LRRC28: variants seen among roughly 807,000 people sequenced by gnomAD.
LRRC28 encodes the protein leucine rich repeat containing 28.
Under a neutral mutation model 45.7 loss-of-function variants are expected in LRRC28, and 39 were observed. That is an observed-to-expected ratio of 0.85 (90% CI 0.66 to 1.12). The LOEUF is 1.12. Among genes scored for constraint, LRRC28 ranks in the 50% most tolerant of loss-of-function variants. LRRC28 has a pLI of 0.00. For missense variants in LRRC28, 435 were observed against 438.5 expected (o/e 0.99, Z 0.07); for synonymous variants, 206 against 178.8 (o/e 1.15, Z -1.22).
At chr15:99,267,171 T>C (rs1380454438) in intron 2 of LRRC28, among the ~76,000 whole-genome samples, 1 of 152,228 alleles carries the variant, frequency 6.6e-6, no homozygotes, top group African/African-American at 2.4e-5. Flanking sequence ...GCGATGCATA[T>C]GTTTATGCCA....
chr15:99,279,938 A>G (rs1388908391), intron 3 of LRRC28, among the ~76,000 whole-genome samples: 3 of 152,180 alleles, frequency 2.0e-5, no homozygotes, highest in African/African-American at 4.8e-5. Flanking sequence ...CTGGCAATGT[A>G]TGATTGTTCC....
At chr15:99,370,535 T>C (rs1957456531) in intron 9 of LRRC28, among the ~76,000 whole-genome samples, 1 of 152,134 alleles carries the variant, frequency 6.6e-6, no homozygotes, top group Admixed American at 6.5e-5. Context: ...GAACTTTCAT[T>C]TTCAACTCCA....
At chr15:99,263,191 G>T (rs927638489) in intron 2 of LRRC28, among the ~76,000 whole-genome samples, 1 of 150,316 alleles carries the variant, frequency 6.7e-6, no homozygotes, top group Non-Finnish European at 1.5e-5. Context: ...GGTGGCGTGT[G>T]CCTGTAGTCC....
At chr15:99,304,957 C>T (rs1955128048) in intron 5 of LRRC28, among the ~76,000 whole-genome samples, 1 of 152,118 alleles carries the variant, frequency 6.6e-6, no homozygotes, top group Non-Finnish European at 1.5e-5. Context: ...CAACAATGTG[C>T]CTCTTTTCAA....
intron 9 of LRRC28, among the ~76,000 whole-genome samples, chr15:99,375,125 T>A (rs1414745682): frequency 6.6e-6 from 1 of 152,330 alleles, no homozygotes; most frequent in East Asian, 1.9e-4. Flanking sequence ...TTTGGTATGT[T>A]CTCTTTATTA....
chr15:99,309,761 G>A (rs1200331126), intron 5 of LRRC28, among the ~76,000 whole-genome samples: 1 of 152,066 alleles, frequency 6.6e-6, no homozygotes, highest in African/African-American at 2.4e-5. Flanking sequence ...TCTTATCTTA[G>A]GACTTCTGCT....
At chr15:99,289,374 A>G (rs1284144538) in intron 5 of LRRC28, among the ~76,000 whole-genome samples, 5 of 152,234 alleles carry the variant, frequency 3.3e-5, no homozygotes, top group Admixed American at 3.3e-4. Context: ...TCTTTTGAGT[A>G]AAACCAACTC....
intron 6 of LRRC28, among the ~76,000 whole-genome samples, chr15:99,339,823 A>G (rs1467482141): frequency 1.3e-5 from 2 of 152,234 alleles, no homozygotes; most frequent in African/African-American, 4.8e-5. Context: ...CCCAACAGCT[A>G]GTAGAAAATA....
intron 6 of LRRC28, among the ~76,000 whole-genome samples, chr15:99,344,715 G>A (rs1187005797): frequency 1.3e-5 from 2 of 152,132 alleles, no homozygotes; most frequent in African/African-American, 4.8e-5. Flanking sequence ...TATGTAAGAA[G>A]TAGCAAGTGT....
At chr15:99,351,994 G>A (rs1387695271) in intron 6 of LRRC28, among the ~76,000 whole-genome samples, 1 of 152,214 alleles carries the variant, frequency 6.6e-6, no homozygotes, top group Non-Finnish European at 1.5e-5. Flanking sequence ...AATTCTTGCT[G>A]AAGACAGGCC....
At chr15:99,356,644 A>G (rs1404998997) in intron 7 of LRRC28, among the ~76,000 whole-genome samples, 1 of 152,254 alleles carries the variant, frequency 6.6e-6, no homozygotes, top group Non-Finnish European at 1.5e-5. Context: ...ACATGTTTGA[A>G]GAAATAATGT....
intron 5 of LRRC28, among the ~76,000 whole-genome samples, chr15:99,302,773 A>G (rs908955120): frequency 6.6e-5 from 10 of 152,170 alleles, no homozygotes; most frequent in Non-Finnish European, 1.5e-4. Context: ...TTGTCTCTAT[A>G]GTTTTGACTT....
At chr15:99,291,192 C>T (rs2082113052) in intron 5 of LRRC28, among the ~76,000 whole-genome samples, 1 of 152,108 alleles carries the variant, frequency 6.6e-6, no homozygotes, top group African/African-American at 2.4e-5. Context: ...ATTTATATCT[C>T]ACCTGTTACA....
rs997669013 is a variant in LRRC28 at position 99,361,380 on chromosome 15, TTTC to T, written c.741_743del (p.Phe247_Ser248delinsLeu). 6 of 1,613,750 alleles carry T rather than the reference TTTC, an allele frequency of 3.7e-6. No individual in the cohort carries two copies. The highest frequency in any genetic ancestry group is 5.1e-6 in the Non-Finnish European group (6 of 1,179,922). ...GTTTCCGAGGTGAAGCTGCTTTCCT[TTTC>T]ATCAGGGCAGCGAACCGTTTTCCTC... On this transcript the variant is annotated inframe_deletion, in exon 8 of 10. Transcript: ENST00000301981.
chr15:99,257,607 T>C, intron 2 of LRRC28: 1 of 663,314 alleles, frequency 1.5e-6, no homozygotes, highest in Non-Finnish European at 2.9e-6. Flanking sequence ...CGAAAGGGAC[T>C]TGAGACTCAC....
At chr15:99,351,261 A>G (rs1408713430) in intron 6 of LRRC28, among the ~76,000 whole-genome samples, 4 of 152,118 alleles carry the variant, frequency 2.6e-5, no homozygotes, top group African/African-American at 9.7e-5. Flanking sequence ...ATGGGAAGGG[A>G]TGGCCTGTAT....
At chr15:99,308,192 A>G (rs758847268) in intron 5 of LRRC28, among the ~76,000 whole-genome samples, 5 of 152,218 alleles carry the variant, frequency 3.3e-5, no homozygotes, top group Non-Finnish European at 5.9e-5. Flanking sequence ...GGTTATAAAT[A>G]AGAATTCTCG....
intron 5 of LRRC28, among the ~76,000 whole-genome samples, chr15:99,326,854 C>G (rs1179547236): frequency 6.6e-6 from 1 of 152,098 alleles, no homozygotes; most frequent in African/African-American, 2.4e-5. Flanking sequence ...CTGTAGATTT[C>G]TTATGATGTT....
At chr15:99,284,857 C>A (rs2081914099) in intron 3 of LRRC28, 1 of 564,252 alleles carries the variant, frequency 1.8e-6, no homozygotes, top group Non-Finnish European at 3.4e-6. Context: ...TTGTAGCCAT[C>A]CCCACTGCCA....
Sources: gnomAD v4.1 joint callset for allele counts (sites outside exome capture counted in the v4.1 genomes callset) on GRCh38, gnomAD v4.1.1 for gene constraint, MANE v1.5 for transcripts, NCBI Gene and HGNC (gene_info 2026-07-23, HGNC 2026-07-21) for gene names.